The following C5orf22 variants were observed in gnomAD, a reference collection of about 807,000 sequenced individuals.
C5orf22 encodes UPF0489 protein C5orf22.
In C5orf22, 36 loss-of-function variants were observed where a neutral mutation model predicts 48.7. That is an observed-to-expected ratio of 0.74 (90% confidence interval 0.57 to 0.98). C5orf22 has a LOEUF of 0.98. C5orf22 is among the 50% of genes least tolerant of loss of function. The pLI is 0.00. For synonymous variants in C5orf22, 141 were observed against 180.8 expected, an observed-to-expected ratio of 0.78 and a Z score of 1.76; for missense variants, 486 against 521.9, an observed-to-expected ratio of 0.93 and a Z score of 0.67.
chr5:31,544,451 G>GT (rs201411417), intron 6 of C5orf22, among the ~76,000 whole-genome samples: 2,340 of 152,284 alleles, frequency 0.015, 67 homozygotes, highest in African/African-American at 0.054. Flanking sequence ...GGGCGTGGTG[G>GT]CGGGCACCTG....
chr5:31,544,064 A>AG (rs1169960124), intron 6 of C5orf22, among the ~76,000 whole-genome samples: 1 of 152,168 alleles, frequency 6.6e-6, no homozygotes, highest in Non-Finnish European at 1.5e-5. Flanking sequence ...CGCTATGTCT[A>AG]GGGAAGTGAG....
At chr5:31,541,552 TC>T in intron 6 of C5orf22, 150 bp downstream of exon 6, 1 of 745,548 alleles carries the variant, frequency 1.3e-6, no homozygotes, top group Non-Finnish European at 2.2e-6. Flanking sequence ...GGCCAGGAGT[TC>T]CAGACCAGCC....
At chr5:31,532,593 C>A (rs569389740) in intron 1 of C5orf22, 120 bp downstream of exon 1, 4 of 800,124 alleles carry the variant, frequency 5.0e-6, no homozygotes, top group East Asian at 2.8e-5. Flanking sequence ...GTTAAACTGC[C>A]CTATTCCGTT....
At chr5:31,533,758 T>G (rs1428582058) in intron 1 of C5orf22, among the ~76,000 whole-genome samples, 3 of 151,896 alleles carry the variant, frequency 2.0e-5, no homozygotes, top group Admixed American at 6.6e-5. Flanking sequence ...AAAAATTAGC[T>G]GGGCGTAGTG....
At chr5:31,534,071 T>C (rs1371776909) in intron 1 of C5orf22, among the ~76,000 whole-genome samples, 2 of 152,208 alleles carry the variant, frequency 1.3e-5, no homozygotes, top group African/African-American at 4.8e-5. Flanking sequence ...GAGATGCAGG[T>C]TGGAAGTTCT....
Position 31,548,577 on chromosome 5 carries a change from T to C in C5orf22, c.1060-2716T>C, listed in dbSNP as rs1051411834. The C allele has an allele frequency of 2.0e-5, 9 of 450,876 alleles. 1 individual carries two copies. Among genetic ancestry groups the C allele is most frequent in the Non-Finnish European group, 2.7e-5 (6 of 225,354 alleles). The allele number at this position is 450,876 out of a possible 1,614,324, so 27.9% of individuals were successfully genotyped here. A position where few individuals can be genotyped will look rare whatever the true frequency, so the allele number is the denominator to read the frequency against. On this transcript the variant is annotated intron_variant, in intron 7 of 8. Transcript: ENST00000325366. ...ATTATCAGCATTTTGGTCCAAGCCATTCAACAAGTCTCTAGGAAGTTCCAA... is the reference window on the plus strand; with the variant it reads ...ATTATCAGCATTTTGGTCCAAGCCACTCAACAAGTCTCTAGGAAGTTCCAA...
At position 31,541,381 on chromosome 5, in the gene C5orf22, A is replaced by G; in HGVS notation, c.971A>G (p.Gln324Arg). 6.2e-7 allele frequency: 1 copy of G among 1,614,140 alleles called. No individual in the cohort carries two copies. The highest frequency in any genetic ancestry group is 2.2e-5 in the East Asian group (1 of 44,878). ...GATGGTGATGATGAAGAAACGGTAC[A>G]GAGATGGGCTTCAAACCCTGGGTAA... ...LCDGDDEETVQRWASNPGMES... is the reference protein window; with the variant it reads ...LCDGDDEETVRRWASNPGMES... The change falls in exon 6 of 9, where the codon CAG becomes CGG. Residue 324 changes from glutamine to arginine, a missense_variant. Gln to Arg is a conservative substitution (Grantham distance 43). Transcript: ENST00000325366.
chr5:31,535,673 T>A, intron 2 of C5orf22, 71 bp from the exon 3 acceptor site: 1 of 1,263,140 alleles, frequency 7.9e-7, no homozygotes, highest in Non-Finnish European at 1.1e-6. Context: ...CTTAAAATGT[T>A]GTGGATAAAA....
intron 3 of C5orf22, among the ~76,000 whole-genome samples, chr5:31,537,075 T>G (rs1272356365): frequency 6.6e-6 from 1 of 152,248 alleles, no homozygotes; most frequent in African/African-American, 2.4e-5. Context: ...TAATTAAGAC[T>G]CAGCATATAA....
At position 31,541,027 on chromosome 5, in the gene C5orf22, T is replaced by C; in HGVS notation, c.870+16T>C. The C allele has an allele frequency of 1.9e-6, 3 of 1,588,758 alleles. No homozygotes were observed. Among genetic ancestry groups the C allele is most frequent in the Non-Finnish European group, 2.6e-6 (3 of 1,160,008 alleles). Reference sequence around the variant, plus strand: ...CCTAACAGAGGTATCCTCCATTTGTTTCTTTGGGGTTTTATTCATTTATCA... The same window carrying C: ...CCTAACAGAGGTATCCTCCATTTGTCTCTTTGGGGTTTTATTCATTTATCA... On this transcript the variant is annotated intron_variant, in intron 5 of 8. Coordinates refer to ENST00000325366, the MANE Select transcript of C5orf22 (RefSeq NM_018356.3).
chr5:31,552,788 T>A lies in C5orf22; in HGVS notation c.1215T>A (p.Asp405Glu), dbSNP rs16901277. 31,467 of 1,613,238 alleles carry A rather than the reference T, an allele frequency of 0.02. 883 individuals carry two copies. Among genetic ancestry groups the A allele is most frequent in the African/African-American group, 0.13 (9,681 of 74,940 alleles). Residue 405 changes from aspartate to glutamate, a missense_variant, in exon 9 of 9, where the codon GAT (aspartate) becomes GAA (glutamate). By Grantham distance (45) the Asp-to-Glu change is conservative. Around this residue, in one of 3 missense-constraint regions of C5orf22, gnomAD observed 408 missense variants for 444.0 expected, o/e 0.92. Transcript: ENST00000325366. The part of the protein sequence containing the change: ...LVTIARSSLD[D>E]YCPSDQVDTI... ...TTGGTTCTAGGTCAAGTCTGGATGATTACTGTCCTTCTGACCAAGTTGACA... is the reference window on the plus strand; with the variant it reads ...TTGGTTCTAGGTCAAGTCTGGATGAATACTGTCCTTCTGACCAAGTTGACA...
At chr5:31,538,153 T>G (rs773408243) in intron 3 of C5orf22, 107 bp from the exon 4 acceptor site, 81 of 777,976 alleles carry the variant, frequency 1.0e-4, no homozygotes, top group Non-Finnish European at 1.6e-4. Context: ...TAGAGACTGC[T>G]CTCAGTTTTT....
At chr5:31,536,873 C>T (rs1742130167) in intron 3 of C5orf22, among the ~76,000 whole-genome samples, 1 of 152,038 alleles carries the variant, frequency 6.6e-6, no homozygotes, top group Non-Finnish European at 1.5e-5. Flanking sequence ...TTTCTAGAAC[C>T]TTAAGGATAA....
At position 31,540,984 on chromosome 5, in the gene C5orf22, T is replaced by G; in HGVS notation, c.843T>G (p.Phe281Leu). 6.2e-7 allele frequency: 1 copy of G among 1,613,066 alleles called. No individual in the cohort carries two copies. The highest frequency in any genetic ancestry group is 2.2e-5 in the East Asian group (1 of 44,858). ...EYKILQELYQ[F>L]KKPGTNLTEE... Reference sequence around the variant, plus strand: ...AAATCTTACAAGAGCTGTACCAATTTAAGAAACCTGGCACCAACCTAACAG... The same window carrying G: ...AAATCTTACAAGAGCTGTACCAATTGAAGAAACCTGGCACCAACCTAACAG... The change falls in exon 5 of 9, where the codon TTT (phenylalanine) becomes TTG (leucine). Residue 281 changes from phenylalanine (F) to leucine (L), a missense_variant. Physicochemically the swap from Phe to Leu is conservative, Grantham distance 22. Around this residue, in one of 3 missense-constraint regions of C5orf22, gnomAD observed 408 missense variants for 444.0 expected, o/e 0.92. Coordinates refer to ENST00000325366, the MANE Select transcript of C5orf22 (RefSeq NM_018356.3).
At chr5:31,551,182 A>G in intron 7 of C5orf22, 111 bp from the exon 8 acceptor site, 1 of 1,040,754 alleles carries the variant, frequency 9.6e-7, no homozygotes, top group South Asian at 1.5e-5. Context: ...AAATATGCAC[A>G]TCTTTTATGT....
chr5:31,548,403 A>C (rs555275957), intron 7 of C5orf22: 5 of 247,932 alleles, frequency 2.0e-5, no homozygotes, highest in African/African-American at 1.2e-4. Context: ...TCATCTCTCA[A>C]CTTCAAAGTT....
rs1011396757 is a variant in C5orf22 at position 31,554,198 on chromosome 5, A to G, written c.*1296A>G. On this transcript the variant is annotated 3_prime_UTR_variant, in exon 9 of 9. Transcript: ENST00000325366. ...AAATGACATTTAAAGAAAAACAAAC[A>G]CCCATCATTCCTCAGTCCCAACACA... 24 of 152,202 alleles carry G rather than the reference A, an allele frequency of 1.6e-4. No individual in the cohort carries two copies. The highest frequency in any genetic ancestry group is 1.3e-4 in the Admixed American group (2 of 15,278). The allele number at this position is 152,202 out of a possible 1,614,324, so 9.4% of individuals were successfully genotyped here.
At chr5:31,541,429 C>A in intron 6 of C5orf22, 27 bp downstream of exon 6, 1 of 1,608,638 alleles carries the variant, frequency 6.2e-7, no homozygotes, top group South Asian at 1.1e-5. Context: ...TTTTTTTCCC[C>A]CAACTCTACT....
rs34647885 is a variant in C5orf22, at chr5:31,542,467, CAAA to C, written c.992+1074_992+1076del. On this transcript the variant is annotated intron_variant, in intron 6 of 8. Coordinates refer to ENST00000325366, the MANE Select transcript of C5orf22 (RefSeq NM_018356.3). Reference sequence around the variant, plus strand: ...CTGGACTTTTTCTGAGACTCCGTCTCAAAAAAAAAAAGCGAAAACTTAGCTTCT... The same window carrying C: ...CTGGACTTTTTCTGAGACTCCGTCTCAAAAAAAAGCGAAAACTTAGCTTCT... Among the ~76,000 whole-genome samples, 39 of 104,448 alleles carry C rather than the reference CAAA, an allele frequency of 3.7e-4. 3 individuals carry two copies. The highest frequency in any genetic ancestry group is 4.2e-4 in the Non-Finnish European group (21 of 50,436). 68.5% of individuals were successfully genotyped at this position (104,448 alleles called of 152,430 possible). A position where few individuals can be genotyped will look rare whatever the true frequency, so the allele number is the denominator to read the frequency against.
Sources: allele counts gnomAD v4.1 joint callset (sites outside exome capture counted in the v4.1 genomes callset), GRCh38; gene constraint gnomAD v4.1.1; regional missense constraint gnomAD v4.1.1; transcripts MANE v1.5; gene names NCBI Gene and HGNC (gene_info 2026-07-23, HGNC 2026-07-21).